Variants in PLCB1 observed in about 807,000 individuals in gnomAD.
The protein encoded by PLCB1 is phospholipase C beta 1, also known as 1-phosphatidylinositol 4,5-bisphosphate phosphodiesterase beta-1.
PLCB1 carries 46 observed loss-of-function variants against 161.8 expected under a neutral mutation model. The observed-to-expected ratio is 0.28, with a 90% CI of 0.22 to 0.36. The LOEUF is 0.36. PLCB1 is among the 10% of genes least tolerant of loss of function. The pLI, the probability that PLCB1 is intolerant of heterozygous loss-of-function variation, is 1.00. For missense variants in PLCB1, 1,016 were observed against 1,472.5 expected, an observed-to-expected ratio of 0.69 and a Z score of 5.07; for synonymous variants, 517 against 503.7, an observed-to-expected ratio of 1.03 and a Z score of -0.35.
At chr20:8,259,191 G>A (rs918950819) in intron 2 of PLCB1, among the ~76,000 whole-genome samples, 8 of 152,136 alleles carry the variant, frequency 5.3e-5, no homozygotes, top group African/African-American at 1.9e-4. Context: ...CTAGTTTTTG[G>A]TAATTACAAC....
At position 8,487,201 on chromosome 20, in the gene PLCB1, A is replaced by C. The variant is rs527837813; in HGVS notation, c.246+115751A>C. ...CAGAGATAGACTCCTTGCTATTCTC[A>C]GGTTATTTTTTCCTTGTTCACATTT... is the stretch of plus-strand genomic sequence containing the variant. On this transcript the variant is annotated intron_variant, in intron 3 of 31. Coordinates refer to ENST00000338037, the MANE Select transcript of PLCB1 (RefSeq NM_015192.4). Among the ~76,000 whole-genome samples the C allele has an allele frequency of 3.9e-5, 6 of 152,320 alleles. No homozygotes were observed. The South Asian group carries it at 1.2e-3, about 32-fold the overall frequency.
At chr20:8,655,798 A>G (rs1298241921) in intron 7 of PLCB1, among the ~76,000 whole-genome samples, 1 of 152,026 alleles carries the variant, frequency 6.6e-6, no homozygotes, top group Non-Finnish European at 1.5e-5. Flanking sequence ...TTGATTTTAA[A>G]TATTTCTCTT....
chr20:8,318,360 C>T (rs1363540300), intron 2 of PLCB1, among the ~76,000 whole-genome samples: 1 of 152,036 alleles, frequency 6.6e-6, no homozygotes, highest in Admixed American at 6.6e-5. Flanking sequence ...TGTAATGCAC[C>T]TGAATTAAGA....
At chr20:8,204,159 G>GA (rs775325119) in intron 2 of PLCB1, among the ~76,000 whole-genome samples, 1 of 152,152 alleles carries the variant, frequency 6.6e-6, no homozygotes, top group Non-Finnish European at 1.5e-5. Flanking sequence ...GAATGACAGG[G>GA]TGGGGAAATA....
rs1568499330 is a variant in PLCB1 at position 8,539,616 on chromosome 20, T to TTTTCTTTCTTTCTTTCTTTCTTTCCTTC, written c.247-88654_247-88653insCTTCTTTCTTTCTTTCTTTCTTTCTTTC. On this transcript the variant is annotated intron_variant, in intron 3 of 31. Coordinates refer to ENST00000338037, the MANE Select transcript of PLCB1 (RefSeq NM_015192.4). ...GGTAGATACTTGCCTCTTTTCTTTA[T>TTTTCTTTCTTTCTTTCTTTCTTTCCTTC]TTTCTTTCTTTCTTTCTTTCTTTCT... 6.2e-4 allele frequency among the ~76,000 whole-genome samples: 60 copies of TTTTCTTTCTTTCTTTCTTTCTTTCCTTC among 97,286 alleles called. 1 individual carries two copies. Among genetic ancestry groups the TTTTCTTTCTTTCTTTCTTTCTTTCCTTC allele is most frequent in the South Asian group, 6.6e-4 (2 of 3,042 alleles). 63.8% of individuals were successfully genotyped at this position (97,286 alleles called of 152,430 possible).
In PLCB1 at chr20:8,342,634, AGCCCGGC is replaced by A. The variant is rs769265572; in HGVS notation, c.178-28745_178-28739del. ...TGATCTGTTACTGGCAAGCCTGAAT[AGCCCGGC>A]GCAAGAGCCAGTCTGCCTAGAAACC... On this transcript the variant is annotated intron_variant, in intron 2 of 31. Transcript: ENST00000338037. Among the ~76,000 whole-genome samples, 5 of 152,306 alleles carry A rather than the reference AGCCCGGC, an allele frequency of 3.3e-5. No individual in the cohort carries two copies. In the East Asian group the frequency reaches 9.7e-4, roughly 29 times the overall value.
At chr20:8,252,435 CTT>C (rs1981194830) in intron 2 of PLCB1, among the ~76,000 whole-genome samples, 1 of 151,250 alleles carries the variant, frequency 6.6e-6, no homozygotes. Flanking sequence ...TCACTTTTCT[CTT>C]ATCCCTGCAG....
intron 2 of PLCB1, among the ~76,000 whole-genome samples, chr20:8,215,926 C>T (rs1568593414): frequency 6.6e-6 from 1 of 151,996 alleles, no homozygotes; most frequent in African/African-American, 2.4e-5. Context: ...CTACTTTATG[C>T]AGAGTTAATT....
At chr20:8,266,094 G>A (rs1030895953) in intron 2 of PLCB1, among the ~76,000 whole-genome samples, 3 of 152,144 alleles carry the variant, frequency 2.0e-5, no homozygotes, top group Non-Finnish European at 4.4e-5. Context: ...GGCTTTGTGT[G>A]TTGGCAATTT....
Position 8,649,399 on chromosome 20 carries a change from C to A in PLCB1, c.544C>A (p.Arg182=). 6.2e-7 allele frequency: 1 copy of A among 1,613,492 alleles called. No homozygotes were observed. Among genetic ancestry groups the A allele is most frequent in the Non-Finnish European group, 8.5e-7 (1 of 1,179,464 alleles). Residue 182 remains arginine (R), a synonymous_variant, in exon 7 of 32, where the codon CGG becomes AGG. Transcript: ENST00000338037. ...KNIYRLFSAD[R]KRVETALEAC... ...CATATATCGCTTGTTTTCAGCAGAT[C>A]GGAAGCGAGTTGAAACTGCTTTAGA...
chr20:8,700,930 A>G (rs1331256298), intron 11 of PLCB1, among the ~76,000 whole-genome samples: 1 of 152,232 alleles, frequency 6.6e-6, no homozygotes, highest in African/African-American at 2.4e-5. Flanking sequence ...TTGCAGACTG[A>G]TATGCAGTAG....
rs560009527 is a variant in PLCB1, at chr20:8,290,605, C to T, written c.178-80777C>T. Among the ~76,000 whole-genome samples, 17 of 152,256 alleles carry T rather than the reference C, an allele frequency of 1.1e-4. No homozygotes were observed. In the South Asian group the frequency reaches 2.9e-3, roughly 26 times the overall value. On this transcript the variant is annotated intron_variant, in intron 2 of 31. Transcript: ENST00000338037. ...AAACTCTCCATCAAAGAGATGAAAG[C>T]GCTTGCACTTGAAGCTGTAGGGTTG...
At chr20:8,682,044 C>T (rs1339432287) in intron 9 of PLCB1, among the ~76,000 whole-genome samples, 2 of 152,002 alleles carry the variant, frequency 1.3e-5, no homozygotes, top group African/African-American at 2.4e-5. Flanking sequence ...AGACGGTGAG[C>T]TCTTTGAAGG....
intron 27 of PLCB1, among the ~76,000 whole-genome samples, chr20:8,787,675 T>C (rs1983554298): frequency 1.3e-5 from 2 of 152,212 alleles, no homozygotes; most frequent in African/African-American, 4.8e-5. Context: ...CTTTATGTAA[T>C]TGGCAAACAC....
intron 3 of PLCB1, among the ~76,000 whole-genome samples, chr20:8,405,522 C>T (rs1290051678): frequency 6.6e-6 from 1 of 152,184 alleles, no homozygotes; most frequent in East Asian, 1.9e-4. Flanking sequence ...GAAGGAGCTA[C>T]AGTCATGTTG....
intron 2 of PLCB1, among the ~76,000 whole-genome samples, chr20:8,219,931 A>T (rs1979318638): frequency 6.6e-6 from 1 of 152,136 alleles, no homozygotes; most frequent in Admixed American, 6.6e-5. Flanking sequence ...TTTGGGTTGC[A>T]AACTATTGAC....
rs188038064 is a variant in PLCB1, at chr20:8,147,896, G to A, written c.100-2398G>A. Among the ~76,000 whole-genome samples, 407 of 111,806 alleles carry A rather than the reference G, an allele frequency of 3.6e-3. 1 individual carries two copies. The highest frequency in any genetic ancestry group is 0.013 in the African/African-American group (372 of 29,254). The allele number at this position is 111,806 out of a possible 152,430, so 73.3% of individuals were successfully genotyped here. On this transcript the variant is annotated intron_variant, in intron 1 of 31. Transcript: ENST00000338037. ...AGTTTTTTTTTTTTTTTTTTGAGAC[G>A]GCGTCTCGCTCTGTCACCCAGGCTG...
chr20:8,672,207 G>A (rs1989963691), intron 9 of PLCB1, among the ~76,000 whole-genome samples: 1 of 152,094 alleles, frequency 6.6e-6, no homozygotes, highest in Non-Finnish European at 1.5e-5. Context: ...CAAGCTACTT[G>A]CCTCAGGTTT....
At chr20:8,576,258 C>T (rs951408952) in intron 3 of PLCB1, among the ~76,000 whole-genome samples, 1 of 152,140 alleles carries the variant, frequency 6.6e-6, no homozygotes, top group African/African-American at 2.4e-5. Context: ...AATAAAGGAA[C>T]ACTATTTAGG....
Sources: gnomAD v4.1 joint callset for allele counts (sites outside exome capture counted in the v4.1 genomes callset) on GRCh38, gnomAD v4.1.1 for gene constraint, MANE v1.5 for transcripts, NCBI Gene and HGNC (gene_info 2026-07-23, HGNC 2026-07-21) for gene names.